The following NEBL variants were observed in gnomAD, a reference collection of about 807,000 sequenced individuals.
NEBL encodes nebulette, also known as LIM and SH3 protein 2.
NEBL carries 122 observed loss-of-function variants against 140.2 expected under a neutral mutation model. The ratio of observed to expected loss-of-function variants is 0.87; its 90% CI spans 0.75 to 1.01. The LOEUF is 1.01. Among genes scored for constraint, NEBL ranks in the 50% least tolerant of loss-of-function variants. The pLI, the probability that NEBL is intolerant of heterozygous loss-of-function variation, is 0.00. For missense variants in NEBL, 1,365 were observed against 1,231.3 expected (o/e 1.11, Z -1.62); for synonymous variants, 436 against 398.9 (o/e 1.09, Z -1.11).
At chr10:21,156,250 T>C (rs1840333490) in intron 2 of NEBL, among the ~76,000 whole-genome samples, 1 of 152,198 alleles carries the variant, frequency 6.6e-6, no homozygotes, top group South Asian at 2.1e-4. Context: ...TGGCATCTTT[T>C]TGGTGTGGTT....
chr10:21,224,647 T>C (rs1046508228), intron 3 of NEBL, among the ~76,000 whole-genome samples: 3 of 152,258 alleles, frequency 2.0e-5, no homozygotes, highest in African/African-American at 7.2e-5. Context: ...ATGGAATATC[T>C]TTCCACTGTT....
rs539490714 is a variant in NEBL at position 21,227,725 on chromosome 10, T to C, written n.348+20196A>G. 2.6e-4 allele frequency among the ~76,000 whole-genome samples: 32 copies of C among 122,102 alleles called. No homozygotes were observed. The South Asian group carries it at 8.4e-3, about 32-fold the overall frequency. The allele number at this position is 122,102 out of a possible 152,430, so 80.1% of individuals were successfully genotyped here. A position where few individuals can be genotyped will look rare whatever the true frequency, so the allele number is the denominator to read the frequency against. ...TCTTCTTCTTCTTTCTTCTTCTTCT[T>C]CTTCTTCTTCTTCTTCTTCTTCTTC... is the stretch of plus-strand genomic sequence containing the variant. On this transcript the variant is annotated intron_variant and non_coding_transcript_variant, in intron 3 of 8. Coordinates refer to the NEBL transcript ENST00000675702.
At chr10:21,059,770 G>A (rs1589188691) in intron 2 of NEBL, among the ~76,000 whole-genome samples, 1 of 152,162 alleles carries the variant, frequency 6.6e-6, no homozygotes, top group Admixed American at 6.5e-5. Flanking sequence ...GAAAGAAAGT[G>A]TGGCCATTTT....
At chr10:20,795,923 T>A (rs1836467550) in intron 26 of NEBL, among the ~76,000 whole-genome samples, 1 of 152,250 alleles carries the variant, frequency 6.6e-6, no homozygotes, top group African/African-American at 2.4e-5. Context: ...ACCAGGTTTA[T>A]AATATTCCTT....
intron 3 of NEBL, among the ~76,000 whole-genome samples, chr10:21,016,377 G>C (rs75158109): frequency 0.015 from 2,252 of 152,250 alleles, 65 homozygotes; most frequent in African/African-American, 0.051. Context: ...TTCCAAAAAA[G>C]CTTGAGAGGA....
chr10:21,217,094 C>T (rs1200023673), intron 3 of NEBL, among the ~76,000 whole-genome samples: 1 of 152,188 alleles, frequency 6.6e-6, no homozygotes, highest in Non-Finnish European at 1.5e-5. Flanking sequence ...ATGTGAGTGT[C>T]GTTAGCTTCA....
chr10:20,791,121 A>C (rs1835928358), intron 26 of NEBL, among the ~76,000 whole-genome samples: 2 of 152,332 alleles, frequency 1.3e-5, no homozygotes, highest in Middle Eastern at 3.4e-3. Flanking sequence ...AATACACAGA[A>C]GTGTGACTCA....
At chr10:20,864,155 T>G (rs1012063855) in intron 7 of NEBL, among the ~76,000 whole-genome samples, 5 of 152,182 alleles carry the variant, frequency 3.3e-5, no homozygotes, top group Non-Finnish European at 7.3e-5. Context: ...AGGAATCTAT[T>G]CATCATATAG....
At chr10:20,877,389 A>G (rs1845601337) in intron 5 of NEBL, among the ~76,000 whole-genome samples, 1 of 152,244 alleles carries the variant, frequency 6.6e-6, no homozygotes, top group Admixed American at 6.5e-5. Flanking sequence ...AGTATATGCT[A>G]CTGATATAGG....
chr10:20,910,140 A>C (rs1400757716), intron 4 of NEBL, among the ~76,000 whole-genome samples: 1 of 152,182 alleles, frequency 6.6e-6, no homozygotes, highest in Non-Finnish European at 1.5e-5. Context: ...TGCTTTTCAG[A>C]TGGATAGATT....
At chr10:21,190,316 C>CA (rs35446351) in intron 3 of NEBL, among the ~76,000 whole-genome samples, 25,798 of 143,980 alleles carry the variant, frequency 0.18, 2,355 homozygotes, top group African/African-American at 0.25. Context: ...CCTGTGCCTA[C>CA]AAAAAAAAAA....
chr10:21,135,884 G>A (rs1839333628), intron 2 of NEBL, among the ~76,000 whole-genome samples: 1 of 152,196 alleles, frequency 6.6e-6, no homozygotes, highest in African/African-American at 2.4e-5. Context: ...ATGAGAGATG[G>A]AGCCAGAAAT....
chr10:20,964,568 AG>A (rs976172098), intron 3 of NEBL, among the ~76,000 whole-genome samples: 5 of 152,124 alleles, frequency 3.3e-5, no homozygotes, highest in Non-Finnish European at 7.4e-5. Context: ...GAGGGCAAAA[AG>A]CCATTCATGA....
chr10:20,829,079 A>T (rs1465749935), intron 16 of NEBL, among the ~76,000 whole-genome samples: 3 of 152,098 alleles, frequency 2.0e-5, no homozygotes, highest in Non-Finnish European at 2.9e-5. Flanking sequence ...TCAACCTGAC[A>T]AGCAGATACT....
chr10:21,085,083 C>T (rs1406235225), intron 2 of NEBL, among the ~76,000 whole-genome samples: 1 of 152,188 alleles, frequency 6.6e-6, no homozygotes, highest in Non-Finnish European at 1.5e-5. Context: ...CAGCCACCAA[C>T]CAATACCACT....
At chr10:21,121,221 C>G (rs546854539) in intron 2 of NEBL, among the ~76,000 whole-genome samples, 11 of 152,248 alleles carry the variant, frequency 7.2e-5, no homozygotes, top group Middle Eastern at 3.4e-3. Context: ...CCATCCCTTT[C>G]TATCTTGCTT....
rs1466851556 is a variant in NEBL at position 20,831,532 on chromosome 10, C to A, written c.1501G>T (p.Val501Leu). The change falls in exon 15 of 28, where the codon GTG (valine) becomes TTG (leucine). Residue 501 changes from valine to leucine, a missense_variant. This residue lies in a region of NEBL where 1,323 missense variants were observed against 1,154.8 expected (regional missense o/e 1.15). Coordinates refer to ENST00000377122, the MANE Select transcript of NEBL (RefSeq NM_006393.3). ...TGGACATCAAGAGTGTCTGTGCTCA[C>A]CTGCATCCCTTTCCCTTTAATTTCA... ...ETEIKGKGMQ[V>L]STDTLDVQRA... 1 of 1,612,644 alleles carries A rather than the reference C, an allele frequency of 6.2e-7. No individual in the cohort carries two copies.
chr10:21,174,158 TCC>T, exon 1 of NEBL: 1 of 500,570 alleles, frequency 2.0e-6, no homozygotes, highest in South Asian at 8.1e-5. Context: ...GCTCACTCGC[TCC>T]CCCGCCTCGC....
intron 2 of NEBL, among the ~76,000 whole-genome samples, chr10:21,171,003 T>G (rs1321019543): frequency 6.6e-6 from 1 of 152,110 alleles, no homozygotes; most frequent in Non-Finnish European, 1.5e-5. Flanking sequence ...CTTTGCTGCC[T>G]CCAGACTATG....
Sources: gnomAD v4.1 joint callset for allele counts (sites outside exome capture counted in the v4.1 genomes callset) on GRCh38, gnomAD v4.1.1 for gene constraint, gnomAD v4.1.1 regional missense constraint, MANE v1.5 for transcripts, NCBI Gene and HGNC (gene_info 2026-07-23, HGNC 2026-07-21) for gene names.